The following ACAP2 variants were observed in gnomAD, a reference collection of about 807,000 sequenced individuals.
ACAP2 encodes the protein arf-GAP with coiled-coil, ANK repeat and PH domain-containing protein 2.
ACAP2 carries 39 observed loss-of-function variants against 115.8 expected under a neutral mutation model. The observed-to-expected ratio is 0.34, with a 90% CI of 0.26 to 0.44. The LOEUF is 0.44. Among genes scored for constraint, ACAP2 ranks in the 20% least tolerant of loss-of-function variants. The pLI is 1.00. For synonymous variants in ACAP2, 289 were observed against 315.8 expected (o/e 0.92, Z 0.90); for missense variants, 662 against 927.6 (o/e 0.71, Z 3.72).
intron 1 of ACAP2, among the ~76,000 whole-genome samples, chr3:195,438,137 T>A (rs147818577): frequency 6.6e-6 from 1 of 151,256 alleles, no homozygotes; most frequent in Non-Finnish European, 1.5e-5. Context: ...GCAATTCTCC[T>A]GCCTCAGCCT....
At chr3:195,288,603 A>G (rs1422320954) in intron 21 of ACAP2, among the ~76,000 whole-genome samples, 14 of 152,192 alleles carry the variant, frequency 9.2e-5, no homozygotes, top group Admixed American at 9.2e-4. Context: ...CACACCTGTA[A>G]TCCCAGCACT....
chr3:195,428,296 A>G (rs1332199249), intron 1 of ACAP2, among the ~76,000 whole-genome samples: 1 of 150,732 alleles, frequency 6.6e-6, no homozygotes, highest in African/African-American at 2.4e-5. Flanking sequence ...ATAGGTATAC[A>G]TACATAGATA....
At chr3:195,300,668 G>A (rs1027990484) in intron 15 of ACAP2, among the ~76,000 whole-genome samples, 71 of 152,244 alleles carry the variant, frequency 4.7e-4, no homozygotes, top group African/African-American at 1.7e-3. Context: ...TATAGCAATA[G>A]ACCTCTTATA....
At chr3:195,358,268 C>T (rs957581576) in intron 4 of ACAP2, among the ~76,000 whole-genome samples, 2 of 152,164 alleles carry the variant, frequency 1.3e-5, no homozygotes, top group Non-Finnish European at 2.9e-5. Flanking sequence ...AGGATGAGTA[C>T]AAACAAGCCC....
chr3:195,358,259 G>A (rs926603693), intron 4 of ACAP2, among the ~76,000 whole-genome samples: 1 of 152,116 alleles, frequency 6.6e-6, no homozygotes, highest in Non-Finnish European at 1.5e-5. Flanking sequence ...TTCTCAAGAA[G>A]GATGAGTACA....
At chr3:195,301,552 T>C (rs1457892443) in intron 15 of ACAP2, 23 bp downstream of exon 15, 24 of 1,562,314 alleles carry the variant, frequency 1.5e-5, no homozygotes, top group Non-Finnish European at 2.1e-5. Flanking sequence ...TATGAAATAT[T>C]TTAAAGCAAA....
chr3:195,306,849 AT>A, intron 12 of ACAP2: 1 of 242,162 alleles, frequency 4.1e-6, no homozygotes, highest in Non-Finnish European at 7.0e-6. Context: ...ATCACTGAAT[AT>A]TTAAAAAAAA....
Position 195,386,231 on chromosome 3 carries a change from G to A in ACAP2, c.112-4209C>T, listed in dbSNP as rs184299723. 1.1e-4 allele frequency among the ~76,000 whole-genome samples: 17 copies of A among 152,290 alleles called. No individual in the cohort carries two copies. In the East Asian group the frequency reaches 2.9e-3, roughly 26 times the overall value. On this transcript the variant is annotated intron_variant, in intron 2 of 22. Transcript: ENST00000326793. ...AGATTAGGTTGCCAGAAGACAGAGG[G>A]AGAGGAGAATTGGGAGTGACTGCTA... is the stretch of plus-strand genomic sequence containing the variant.
At chr3:195,293,977 CAA>C (rs532867055) in intron 18 of ACAP2, among the ~76,000 whole-genome samples, 3 of 137,674 alleles carry the variant, frequency 2.2e-5, no homozygotes, top group African/African-American at 2.7e-5. Flanking sequence ...ACTAAAAATA[CAA>C]AAAAAAAAAA....
At chr3:195,416,339 C>T (rs1294527503) in intron 1 of ACAP2, among the ~76,000 whole-genome samples, 5 of 145,792 alleles carry the variant, frequency 3.4e-5, no homozygotes, top group South Asian at 2.2e-4. Context: ...AGCAAGACGC[C>T]GTCAAAAAAA....
At chr3:195,289,368 C>T in intron 20 of ACAP2, 137 bp from the exon 21 acceptor site, 1 of 671,138 alleles carries the variant, frequency 1.5e-6, no homozygotes, top group Non-Finnish European at 2.6e-6. Context: ...ATTAACTGAA[C>T]ACTAACTCTA....
In ACAP2 at chr3:195,342,642, T is replaced by G. The variant is rs1730954006; in HGVS notation, c.357A>C (p.Lys119Asn). Residue 119 changes from lysine to asparagine, a missense_variant, in exon 6 of 23, where the codon AAA (lysine) becomes AAC (asparagine). Lys to Asn is a moderately conservative substitution (Grantham distance 94). Coordinates refer to ENST00000326793, the MANE Select transcript of ACAP2 (RefSeq NM_012287.6). ...CGAATTGCTTCTTGGCATCTTTGAA[T>G]TTTCTAAGATCTCTAAGAAAAGAAA... Reference protein sequence around the residue: ...LQNFVKEDLRKFKDAKKQFEK... With the variant: ...LQNFVKEDLRNFKDAKKQFEK... 1 of 1,588,638 alleles carries G rather than the reference T, an allele frequency of 6.3e-7. No homozygotes were observed. The highest frequency in any genetic ancestry group is 8.5e-7 in the Non-Finnish European group (1 of 1,173,532).
At chr3:195,406,939 C>A (rs1418341379) in intron 1 of ACAP2, among the ~76,000 whole-genome samples, 2 of 152,076 alleles carry the variant, frequency 1.3e-5, no homozygotes, top group African/African-American at 4.8e-5. Context: ...GATAGATTGG[C>A]TTAAATGCTT....
chr3:195,376,628 T>A (rs1018771697), intron 4 of ACAP2, among the ~76,000 whole-genome samples: 9 of 152,060 alleles, frequency 5.9e-5, no homozygotes, highest in Admixed American at 5.2e-4. Context: ...AAGAGTTCTA[T>A]CCATTTTTAC....
intron 16 of ACAP2, 93 bp from the exon 17 acceptor site, chr3:195,295,985 A>G (rs968807996): frequency 2.0e-6 from 2 of 1,002,776 alleles, no homozygotes; most frequent in Admixed American, 2.8e-5. Context: ...TATTCAAACA[A>G]AGTCACTGAA....
Position 195,302,324 on chromosome 3 carries a change from G to A in ACAP2, c.1117-150C>T, listed in dbSNP as rs193139082. 3.6e-4 allele frequency: 249 copies of A among 686,896 alleles called. 2 individuals are homozygous for A. The highest frequency in any genetic ancestry group is 9.1e-4 in the Admixed American group (28 of 30,892). 42.6% of individuals were successfully genotyped at this position (686,896 alleles called of 1,614,324 possible). On this transcript the variant is annotated intron_variant, in intron 13 of 22. Coordinates refer to ENST00000326793, the MANE Select transcript of ACAP2 (RefSeq NM_012287.6). ...GGCAATAGTCTAGCTAGAAATTCAAGGATAAAAAGATGTAGGTTCTTCCAT... is the reference window on the plus strand; with the variant it reads ...GGCAATAGTCTAGCTAGAAATTCAAAGATAAAAAGATGTAGGTTCTTCCAT...
chr3:195,335,361 G>T (rs1424442807), intron 7 of ACAP2, among the ~76,000 whole-genome samples: 2 of 152,130 alleles, frequency 1.3e-5, no homozygotes, highest in African/African-American at 4.8e-5. Flanking sequence ...GATATTTAAT[G>T]ACATATAACT....
intron 4 of ACAP2, among the ~76,000 whole-genome samples, chr3:195,353,992 A>G (rs1345696926): frequency 6.6e-6 from 1 of 151,662 alleles, no homozygotes; most frequent in Non-Finnish European, 1.5e-5. Context: ...CCCTCCTCCT[A>G]CCCTCCCACT....
intron 1 of ACAP2, among the ~76,000 whole-genome samples, chr3:195,434,378 G>A (rs529422956): frequency 3.3e-4 from 50 of 152,154 alleles, no homozygotes; most frequent in African/African-American, 1.1e-3. Flanking sequence ...AACCACAGAC[G>A]CATGCTATCA....
Sources: gnomAD v4.1 joint callset for allele counts (sites outside exome capture counted in the v4.1 genomes callset) on GRCh38, gnomAD v4.1.1 for gene constraint, MANE v1.5 for transcripts, NCBI Gene and HGNC (gene_info 2026-07-23, HGNC 2026-07-21) for gene names.